The following SENP6 variants were observed in gnomAD, a reference collection of about 807,000 sequenced individuals.
SENP6 encodes sentrin-specific protease 6.
In SENP6, 41 loss-of-function variants were observed where a neutral mutation model predicts 134.5. That is an observed-to-expected ratio of 0.30 (90% CI 0.24 to 0.40). SENP6 has a LOEUF of 0.40. Ranked by LOEUF, SENP6 falls within the 10% of genes least tolerant of loss-of-function variation. The probability of loss-of-function intolerance (pLI) is 1.00; values close to 1 mark genes in which losing one functional copy is unlikely to be tolerated. For missense variants in SENP6, 1,248 were observed against 1,312.5 expected, an observed-to-expected ratio of 0.95 and a Z score of 0.76; for synonymous variants, 395 against 429.8, an observed-to-expected ratio of 0.92 and a Z score of 1.00.
At chr6:75,671,101 G>A (rs1772639791) in intron 11 of SENP6, among the ~76,000 whole-genome samples, 2 of 152,150 alleles carry the variant, frequency 1.3e-5, no homozygotes, top group Admixed American at 6.5e-5. Flanking sequence ...ATAGCATCAA[G>A]ACTCCTAGAA....
At chr6:75,610,473 AG>A (rs1468472202) in intron 1 of SENP6, among the ~76,000 whole-genome samples, 8 of 152,240 alleles carry the variant, frequency 5.3e-5, no homozygotes, top group Non-Finnish European at 1.5e-5. Flanking sequence ...CAATGGCTAC[AG>A]TTACAGAAAG....
intron 18 of SENP6, among the ~76,000 whole-genome samples, chr6:75,700,809 A>C (rs898632826): frequency 6.6e-6 from 1 of 152,194 alleles, no homozygotes; most frequent in African/African-American, 2.4e-5. Flanking sequence ...TTTTTAAAAC[A>C]CATTTTTTTC....
chr6:75,610,632 A>G (rs548209202), intron 1 of SENP6, among the ~76,000 whole-genome samples: 2 of 152,266 alleles, frequency 1.3e-5, no homozygotes, highest in African/African-American at 4.8e-5. Context: ...TTCAGAGTAT[A>G]TGGGGCTTTC....
intron 8 of SENP6, among the ~76,000 whole-genome samples, chr6:75,662,078 A>G (rs902667022): frequency 2.0e-5 from 3 of 151,636 alleles, no homozygotes; most frequent in South Asian, 2.1e-4. Context: ...ATAAATAAAT[A>G]AAACAAGATC....
intron 5 of SENP6, among the ~76,000 whole-genome samples, chr6:75,636,819 G>T (rs567386145): frequency 2.0e-5 from 3 of 151,828 alleles, no homozygotes; most frequent in Non-Finnish European, 1.5e-5. Context: ...TCAGGTGAGG[G>T]TAAACACATT....
At chr6:75,621,747 T>C in intron 2 of SENP6, 122 bp downstream of exon 2, 1 of 557,876 alleles carries the variant, frequency 1.8e-6, no homozygotes, top group Middle Eastern at 4.9e-4. Flanking sequence ...TATAACTCTT[T>C]CACAGTCGCT....
intron 3 of SENP6, among the ~76,000 whole-genome samples, chr6:75,630,131 A>G (rs1582709693): frequency 6.7e-6 from 1 of 148,500 alleles, no homozygotes; most frequent in African/African-American, 2.5e-5. Flanking sequence ...GTGCAGTGGC[A>G]TGATCTCAGC....
At chr6:75,676,919 A>T in intron 13 of SENP6, 111 bp from the exon 14 acceptor site, 1 of 632,656 alleles carries the variant, frequency 1.6e-6, no homozygotes, top group East Asian at 2.8e-5. Flanking sequence ...GTGGACCTTT[A>T]TACTGGGATT....
At chr6:75,698,186 C>A (rs1031590017) in intron 18 of SENP6, among the ~76,000 whole-genome samples, 1 of 152,206 alleles carries the variant, frequency 6.6e-6, no homozygotes, top group Admixed American at 6.5e-5. Flanking sequence ...ACTCTGGAGC[C>A]TCTCAATAAA....
intron 6 of SENP6, chr6:75,647,407 A>G (rs1376514654): frequency 9.7e-6 from 2 of 206,720 alleles, no homozygotes; most frequent in Non-Finnish European, 2.0e-5. Flanking sequence ...TAATCATACT[A>G]CAAGACTAAA....
intron 16 of SENP6, among the ~76,000 whole-genome samples, chr6:75,685,320 T>C (rs535309256): frequency 6.6e-6 from 1 of 152,202 alleles, no homozygotes; most frequent in Non-Finnish European, 1.5e-5. Context: ...TGTTGATCTT[T>C]TCAAAAAACC....
At chr6:75,690,844 C>A (rs1187647163) in intron 16 of SENP6, among the ~76,000 whole-genome samples, 1 of 151,054 alleles carries the variant, frequency 6.6e-6, no homozygotes, top group East Asian at 2.0e-4. Context: ...TACAGGCGCT[C>A]ACCACCACAC....
At chr6:75,606,087 A>G (rs1767006951) in intron 1 of SENP6, among the ~76,000 whole-genome samples, 1 of 152,238 alleles carries the variant, frequency 6.6e-6, no homozygotes, top group Non-Finnish European at 1.5e-5. Context: ...GTAGACTGAT[A>G]GAAGAATGAG....
chr6:75,615,451 A>G (rs1435181057), intron 1 of SENP6, among the ~76,000 whole-genome samples: 1 of 152,196 alleles, frequency 6.6e-6, no homozygotes, highest in Non-Finnish European at 1.5e-5. Context: ...AAGTGCTGGG[A>G]TTACAGGCAT....
intron 3 of SENP6, among the ~76,000 whole-genome samples, chr6:75,625,848 G>A (rs924069781): frequency 1.3e-5 from 2 of 152,136 alleles, no homozygotes; most frequent in African/African-American, 4.8e-5. Context: ...CAGCCTGGGT[G>A]ACAGAGCGAG....
chr6:75,680,681 A>G (rs1387395410), intron 16 of SENP6, among the ~76,000 whole-genome samples: 2 of 152,152 alleles, frequency 1.3e-5, no homozygotes, highest in African/African-American at 2.4e-5. Flanking sequence ...ACCCCAAGGT[A>G]ATTAAGTTAA....
chr6:75,611,319 G>T (rs1488369482), intron 1 of SENP6: 1 of 152,188 alleles, frequency 6.6e-6, no homozygotes, highest in Non-Finnish European at 1.5e-5. Flanking sequence ...AGATATAAAA[G>T]AATGATTTAG....
intron 7 of SENP6, among the ~76,000 whole-genome samples, chr6:75,652,698 A>AAAAAAAAAAG (rs1554166656): frequency 1.3e-5 from 2 of 148,604 alleles, no homozygotes; most frequent in African/African-American, 5.1e-5. Flanking sequence ...AAAAAAAAAA[A>AAAAAAAAAAG]AAAAAGAAAA....
intron 7 of SENP6, among the ~76,000 whole-genome samples, chr6:75,653,272 C>G (rs1382666467): frequency 6.6e-6 from 1 of 152,142 alleles, no homozygotes; most frequent in African/African-American, 2.4e-5. Context: ...CTGAGGTGAT[C>G]CCCCCGCCTC....
Sources: gnomAD v4.1 joint callset for allele counts (sites outside exome capture counted in the v4.1 genomes callset) on GRCh38, gnomAD v4.1.1 for gene constraint, MANE v1.5 for transcripts, NCBI Gene and HGNC (gene_info 2026-07-23, HGNC 2026-07-21) for gene names.